DNAAF4: variants seen among roughly 807,000 people sequenced by gnomAD.
DNAAF4 encodes dynein axonemal assembly factor 4.
A neutral mutation model predicts 51.8 loss-of-function variants in DNAAF4; 43 were observed. That is an observed-to-expected ratio of 0.83 (90% CI 0.65 to 1.07). The LOEUF (loss-of-function observed/expected upper bound fraction) is 1.07, where lower values mean the gene tolerates loss of function less well. Ranked by LOEUF, DNAAF4 falls within the 50% of genes least tolerant of loss-of-function variation. The probability of loss-of-function intolerance (pLI) is 0.00; values close to 1 mark genes in which losing one functional copy is unlikely to be tolerated. For synonymous variants in DNAAF4, 194 were observed against 165.6 expected, an observed-to-expected ratio of 1.17 and a Z score of -1.32; for missense variants, 581 against 493.0, an observed-to-expected ratio of 1.18 and a Z score of -1.69.
At chr15:55,505,697 G>A (rs12595149) in intron 1 of DNAAF4, among the ~76,000 whole-genome samples, 37,545 of 151,246 alleles carry the variant, frequency 0.25, 6,614 homozygotes, top group African/African-American at 0.5. Context: ...GTTCTCACTC[G>A]TAAGTGGGAG....
intron 7 of DNAAF4, among the ~76,000 whole-genome samples, chr15:55,419,274 G>C (rs1164837713): frequency 6.6e-6 from 1 of 151,870 alleles, no homozygotes; most frequent in East Asian, 1.9e-4. Context: ...ACCCAAGCTG[G>C]AATGCAGTGG....
intron 5 of DNAAF4, among the ~76,000 whole-genome samples, chr15:55,456,500 G>T (rs2058023318): frequency 6.6e-6 from 1 of 152,162 alleles, no homozygotes; most frequent in Non-Finnish European, 1.5e-5. Context: ...TCGGAGACAG[G>T]ATTAACATGC....
chr15:55,417,970 A>T (rs1053213138), exon 8 of DNAAF4: 4 of 647,366 alleles, frequency 6.2e-6, no homozygotes, highest in Admixed American at 3.6e-5. Context: ...GAATTTCACA[A>T]GGTAATGTCA....
chr15:55,489,964 C>T (rs1424818713), intron 4 of DNAAF4, among the ~76,000 whole-genome samples: 2 of 151,300 alleles, frequency 1.3e-5, no homozygotes, highest in East Asian at 3.9e-4. Context: ...ACCTCCACCT[C>T]CTGGGTTCAA....
At chr15:55,449,705 T>TTG (rs1484684394) in intron 6 of DNAAF4, among the ~76,000 whole-genome samples, 32 of 145,296 alleles carry the variant, frequency 2.2e-4, no homozygotes, top group Non-Finnish European at 1.1e-4. Context: ...GCTTTTTTTT[T>TTG]TTTTTTTTTT....
In DNAAF4 at chr15:55,466,967, A is replaced by G; in HGVS notation, c.600T>C (p.Leu200=). 1 of 1,583,752 alleles carries G rather than the reference A, an allele frequency of 6.3e-7. No homozygotes were observed. Among genetic ancestry groups the G allele is most frequent in the Non-Finnish European group, 8.5e-7 (1 of 1,171,730 alleles). Residue 200 remains leucine (L), a synonymous_variant, in exon 5 of 10, where the codon CTT becomes CTC. Coordinates refer to ENST00000321149, the MANE Select transcript of DNAAF4 (RefSeq NM_130810.4). Reference sequence around the variant, plus strand: ...GATTTCTAGATGCCAAATTTCTAGTAAGACTCTTATATTTTATTTTTTTTC... The same window carrying G: ...GATTTCTAGATGCCAAATTTCTAGTGAGACTCTTATATTTTATTTTTTTTC... ...EERKKIKYKS[L]TRNLASRNLA...
intron 5 of DNAAF4, among the ~76,000 whole-genome samples, chr15:55,461,209 C>T (rs1047148235): frequency 4.6e-5 from 7 of 152,074 alleles, no homozygotes; most frequent in African/African-American, 1.7e-4. Context: ...GCTGGGACTA[C>T]AGGTGCCCCC....
chr15:55,467,484 T>C (rs917513391), intron 4 of DNAAF4, among the ~76,000 whole-genome samples: 1 of 152,044 alleles, frequency 6.6e-6, no homozygotes, highest in African/African-American at 2.4e-5. Context: ...ACCTAAGGGC[T>C]TGGTAGAAAA....
chr15:55,506,943 A>C (rs2058730273), intron 1 of DNAAF4, among the ~76,000 whole-genome samples: 1 of 152,030 alleles, frequency 6.6e-6, no homozygotes, highest in Admixed American at 6.6e-5. Flanking sequence ...TCTGCCTCCC[A>C]GGTTCAAGCG....
At chr15:55,420,368 A>T (rs773059110) in intron 7 of DNAAF4, among the ~76,000 whole-genome samples, 43 of 152,166 alleles carry the variant, frequency 2.8e-4, no homozygotes, top group Non-Finnish European at 5.0e-4. Context: ...TTCAGCTGCC[A>T]TCTGTTTAAA....
intron 5 of DNAAF4, among the ~76,000 whole-genome samples, chr15:55,452,239 C>G (rs1286841898): frequency 1.7e-5 from 1 of 59,432 alleles, no homozygotes; most frequent in African/African-American, 7.0e-5. Context: ...CAGAGCATGT[C>G]TCACTAAAAA....
At chr15:55,473,319 GTGTGTA>G (rs2058291302) in intron 4 of DNAAF4, among the ~76,000 whole-genome samples, 1 of 130,894 alleles carries the variant, frequency 7.6e-6, no homozygotes, top group Non-Finnish European at 1.5e-5. Context: ...GTGTATATAT[GTGTGTA>G]TATATATGTG....
chr15:55,445,929 C>T (rs1413100813), intron 6 of DNAAF4, among the ~76,000 whole-genome samples: 16 of 137,444 alleles, frequency 1.2e-4, no homozygotes, highest in African/African-American at 3.3e-4. Flanking sequence ...ACGGGGCGGC[C>T]GAGCAGAGGC....
At chr15:55,480,171 G>A (rs1370174654) in intron 4 of DNAAF4, among the ~76,000 whole-genome samples, 1 of 151,980 alleles carries the variant, frequency 6.6e-6, no homozygotes, top group Non-Finnish European at 1.5e-5. Context: ...AAACTTGCTG[G>A]TTTGAGGCTC....
intron 3 of DNAAF4, among the ~76,000 whole-genome samples, chr15:55,494,201 G>C (rs1223772757): frequency 6.6e-6 from 1 of 151,724 alleles, no homozygotes; most frequent in Non-Finnish European, 1.5e-5. Flanking sequence ...GGCTAATTTT[G>C]TATTTTTAGT....
intron 4 of DNAAF4, among the ~76,000 whole-genome samples, chr15:55,489,848 T>C (rs2058545815): frequency 6.6e-6 from 1 of 151,678 alleles, no homozygotes; most frequent in Admixed American, 6.6e-5. Flanking sequence ...CACTGCAACA[T>C]GTCAAAATGG....
intron 1 of DNAAF4, among the ~76,000 whole-genome samples, chr15:55,501,780 C>T (rs921143506): frequency 3.3e-5 from 5 of 151,844 alleles, no homozygotes; most frequent in East Asian, 3.9e-4. Flanking sequence ...GGGTGGCTCA[C>T]GCCTGTAATC....
intron 5 of DNAAF4, among the ~76,000 whole-genome samples, chr15:55,453,845 T>C (rs1448806316): frequency 6.6e-6 from 1 of 151,848 alleles, no homozygotes; most frequent in Admixed American, 6.6e-5. Flanking sequence ...CCACAGCGCC[T>C]GGCCAAAAAA....
intron 7 of DNAAF4, among the ~76,000 whole-genome samples, chr15:55,436,066 G>T (rs1379892036): frequency 2.0e-5 from 3 of 152,212 alleles, no homozygotes; most frequent in African/African-American, 7.2e-5. Flanking sequence ...GGGATTACAG[G>T]CGTGAGCCAT....
Sources: gnomAD v4.1 joint callset for allele counts (sites outside exome capture counted in the v4.1 genomes callset) on GRCh38, gnomAD v4.1.1 for gene constraint, MANE v1.5 for transcripts, NCBI Gene and HGNC (gene_info 2026-07-23, HGNC 2026-07-21) for gene names.